Variants in HSPD1 observed in about 807,000 individuals in gnomAD.
HSPD1 encodes the protein heat shock protein family D (Hsp60) member 1.
HSPD1 carries 3 observed loss-of-function variants against 53.0 expected under a neutral mutation model. The ratio of observed to expected loss-of-function variants is 0.06; its 90% CI spans 0.03 to 0.15. The LOEUF (loss-of-function observed/expected upper bound fraction) is 0.15. Ranked by LOEUF, HSPD1 falls within the 10% of genes least tolerant of loss-of-function variation. HSPD1 has a pLI of 1.00. For synonymous variants in HSPD1, 200 were observed against 228.0 expected, an observed-to-expected ratio of 0.88 and a Z score of 1.10; for missense variants, 431 against 694.1, an observed-to-expected ratio of 0.62 and a Z score of 4.26.
In HSPD1 at chr2:197,490,210, G is replaced by A. The variant is rs1406076341; in HGVS notation, c.956C>T (p.Ala319Val). ...RKNQLKDMAIATGGAVFGEEG... is the reference protein window; with the variant it reads ...RKNQLKDMAIVTGGAVFGEEG... ...TATTTTACTTACTGCACCACCAGTA[G>A]CAATAGCCATATCTTTAAGCTGGTT... Residue 319 changes from alanine to valine, a missense_variant, in exon 8 of 12, where the codon GCT becomes GTT. Transcript: ENST00000388968. 1 of 1,609,994 alleles carries A rather than the reference G, an allele frequency of 6.2e-7. No homozygotes were observed. Among genetic ancestry groups the A allele is most frequent in the Non-Finnish European group, 8.5e-7 (1 of 1,176,452 alleles).
chr2:197,493,610 C>G lies in HSPD1; in HGVS notation c.701-118G>C, dbSNP rs773259737. 4.6e-4 allele frequency: 346 copies of G among 747,182 alleles called. 1 individual carries two copies. Among genetic ancestry groups the G allele is most frequent in the Non-Finnish European group, 7.0e-4 (299 of 427,950 alleles). The allele number at this position is 747,182 out of a possible 1,614,324, so 46.3% of individuals were successfully genotyped here. ...ATTCACCAGTGAGTTGGTTTTCCTC[C>G]TTCATTTCTCATATGCATTAACTTT... On this transcript the variant is annotated intron_variant, in intron 6 of 11. Transcript: ENST00000388968.
chr2:197,499,152 G>T, intron 1 of HSPD1: 1 of 468,080 alleles, frequency 2.1e-6, no homozygotes, highest in Non-Finnish European at 3.9e-6. Context: ...CGCGAAAACG[G>T]CCTTGTGGGC....
rs2086173233 is a variant in HSPD1, at chr2:197,497,482, T to A, written c.175-90A>T. On this transcript the variant is annotated intron_variant, in intron 2 of 11. Transcript: ENST00000388968. Reference sequence around the variant, plus strand: ...GCAGTCTTCATAATAAAGCAACTACTTCAAAGTCTCAACGTAAGTTGTGTC... The same window carrying A: ...GCAGTCTTCATAATAAAGCAACTACATCAAAGTCTCAACGTAAGTTGTGTC... 28 of 1,298,592 alleles carry A rather than the reference T, an allele frequency of 2.2e-5. No homozygotes were observed. The South Asian group carries it at 3.1e-4, about 14-fold the overall frequency. 80.4% of individuals were successfully genotyped at this position (1,298,592 alleles called of 1,614,324 possible). A position where few individuals can be genotyped will look rare whatever the true frequency, so the allele number is the denominator to read the frequency against.
rs2086029448 is a variant in HSPD1, at chr2:197,486,698, T to C, written c.*348A>G. The C allele has an allele frequency of 3.1e-6, 1 of 318,704 alleles. No individual in the cohort carries two copies. Among genetic ancestry groups the C allele is most frequent in the South Asian group, 3.0e-5 (1 of 32,988 alleles). The allele number at this position is 318,704 out of a possible 1,614,324, so 19.7% of individuals were successfully genotyped here. On this transcript the variant is annotated 3_prime_UTR_variant, in exon 12 of 12. Coordinates refer to ENST00000388968, the MANE Select transcript of HSPD1 (RefSeq NM_002156.5). ...AAAGGCTGCTTAACTTCTCATCTGGTGGTGGCAAGCACTAAAATCCTGATT... is the reference window on the plus strand; with the variant it reads ...AAAGGCTGCTTAACTTCTCATCTGGCGGTGGCAAGCACTAAAATCCTGATT...
chr2:197,487,754 C>T (rs1404712334), intron 11 of HSPD1, 104 bp downstream of exon 11: 4 of 883,636 alleles, frequency 4.5e-6, no homozygotes, highest in Non-Finnish European at 7.6e-6. Flanking sequence ...GTTGCTACTG[C>T]TATTAGACTA....
chr2:197,487,315 G>A, intron 11 of HSPD1, 117 bp from the exon 12 acceptor site: 1 of 878,296 alleles, frequency 1.1e-6, no homozygotes, highest in Admixed American at 2.0e-5. Context: ...GGGAGGCTGA[G>A]GCAGGTAGAT....
At position 197,487,226 on chromosome 2, in the gene HSPD1, T is replaced by G. The variant is rs767629305; in HGVS notation, c.1570-28A>C. On this transcript the variant is annotated intron_variant, in intron 11 of 11. Coordinates refer to ENST00000388968, the MANE Select transcript of HSPD1 (RefSeq NM_002156.5). Reference sequence around the variant, plus strand: ...AGAAAAAAATTTAATTAATTAGTTTTCCCTTAGTAAAATATGAGCAAGACT... The same window carrying G: ...AGAAAAAAATTTAATTAATTAGTTTGCCCTTAGTAAAATATGAGCAAGACT... The G allele has an allele frequency of 3.7e-6, 6 of 1,602,594 alleles. No homozygotes were observed. In the African/African-American group the frequency reaches 6.7e-5, roughly 18 times the overall value.
chr2:197,499,060 C>T (rs1239764337), intron 1 of HSPD1: 1 of 621,192 alleles, frequency 1.6e-6, no homozygotes, highest in Non-Finnish European at 2.9e-6. Flanking sequence ...CGGCGCCTGA[C>T]CTATAGCACC....
chr2:197,490,427 T>C, intron 7 of HSPD1, 131 bp from the exon 8 acceptor site: 1 of 695,556 alleles, frequency 1.4e-6, no homozygotes, highest in Non-Finnish European at 2.5e-6. Context: ...TTTTTTGTTT[T>C]TTTTTTGCTT....
In HSPD1 at chr2:197,488,948, A is replaced by T. The variant is rs1268648591; in HGVS notation, c.1215+54T>A. The T allele has an allele frequency of 1.9e-6, 3 of 1,599,170 alleles. No individual in the cohort carries two copies. The African/African-American group carries it at 4.0e-5, about 21-fold the overall frequency. The stretch of plus-strand genomic sequence containing the variant: ...ACTACTGGGGAATACTACAGAAGCA[A>T]AATCATTCTTGGACTCAGAACCCAA... On this transcript the variant is annotated intron_variant, in intron 9 of 11. Transcript: ENST00000388968.
At chr2:197,496,884 T>C (rs931273963) in intron 3 of HSPD1, 1 of 482,112 alleles carries the variant, frequency 2.1e-6, no homozygotes, top group African/African-American at 2.0e-5. Context: ...CAGTCCAGCC[T>C]GGGCTACAGA....
At chr2:197,494,284 T>C in intron 5 of HSPD1, 34 bp from the exon 6 acceptor site, 1 of 1,020,904 alleles carries the variant, frequency 9.8e-7, no homozygotes, top group African/African-American at 1.6e-5. Context: ...TATATGGATT[T>C]CATTGAACAC....
At chr2:197,495,256 AT>A (rs1559302914) in intron 4 of HSPD1, 37 bp downstream of exon 4, 15 of 1,278,418 alleles carry the variant, frequency 1.2e-5, no homozygotes, top group Non-Finnish European at 1.5e-5. Context: ...ATGCCATTAA[AT>A]TTTTTTTAAA....
chr2:197,500,136 G>A (rs972672400), upstream of HSPD1: 15 of 494,564 alleles, frequency 3.0e-5, no homozygotes, highest in Non-Finnish European at 4.8e-5. Flanking sequence ...TTTCCGGGAG[G>A]GGACGAAGGG....
chr2:197,494,288 T>C, intron 5 of HSPD1, 38 bp from the exon 6 acceptor site: 1 of 1,007,224 alleles, frequency 9.9e-7, no homozygotes, highest in Middle Eastern at 2.1e-4. Context: ...TGGATTTCAT[T>C]GAACACAAAA....
At chr2:197,495,229 GAAAA>G in intron 4 of HSPD1, 61 bp downstream of exon 4, 1 of 826,156 alleles carries the variant, frequency 1.2e-6, no homozygotes, top group East Asian at 2.6e-5. Context: ...GTGATCAAGG[GAAAA>G]AAAAAATCAC....
At chr2:197,498,884 C>T in intron 1 of HSPD1, 34 bp from the exon 2 acceptor site, 2 of 1,598,110 alleles carry the variant, frequency 1.3e-6, no homozygotes, top group Non-Finnish European at 1.7e-6. Context: ...ATCAGAACTA[C>T]CACCCGTGGT....
chr2:197,499,012 C>T (rs891801638), intron 1 of HSPD1, 162 bp from the exon 2 acceptor site: 3 of 722,218 alleles, frequency 4.2e-6, no homozygotes, highest in Non-Finnish European at 7.4e-6. Context: ...AGCTTCGGAA[C>T]ATCAGCCACT....
In HSPD1 at chr2:197,498,831, T is replaced by C. The variant is rs79630442; in HGVS notation, c.18A>G (p.Thr6=). ...ACACCGGTCTCATCTGGCGAAAGACTGTGGGTAACCGAAGCATTTCTGGGG... is the reference window on the plus strand; with the variant it reads ...ACACCGGTCTCATCTGGCGAAAGACCGTGGGTAACCGAAGCATTTCTGGGG... MLRLP[T]VFRQMRPVSR... Residue 6 remains threonine, a synonymous_variant, in exon 2 of 12, where the codon ACA becomes ACG. Coordinates refer to ENST00000388968, the MANE Select transcript of HSPD1 (RefSeq NM_002156.5). 8.4e-4 allele frequency: 1,353 copies of C among 1,614,204 alleles called. 16 individuals are homozygous for C. In the East Asian group the frequency reaches 0.027, roughly 32 times the overall value.
Sources: allele counts gnomAD v4.1 joint callset, GRCh38; gene constraint gnomAD v4.1.1; transcripts MANE v1.5; gene names NCBI Gene and HGNC (gene_info 2026-07-23, HGNC 2026-07-21).